Variants in SLC66A1 observed in about 807,000 individuals in gnomAD.
The protein encoded by SLC66A1 is lysosomal amino acid transporter 1 homolog.
Under a neutral mutation model 33.0 loss-of-function variants are expected in SLC66A1, and 23 were observed. The observed-to-expected ratio is 0.70, with a 90% CI of 0.50 to 0.99. SLC66A1 has a LOEUF of 0.99. Ranked by LOEUF, SLC66A1 falls within the 50% of genes least tolerant of loss-of-function variation. The pLI is 0.00. For synonymous variants in SLC66A1, 164 were observed against 175.5 expected, an observed-to-expected ratio of 0.93 and a Z score of 0.52; for missense variants, 335 against 383.6, an observed-to-expected ratio of 0.87 and a Z score of 1.06.
chr1:19,316,349 TG>T (rs2093805230), intron 1 of SLC66A1, among the ~76,000 whole-genome samples: 1 of 134,594 alleles, frequency 7.4e-6, no homozygotes, highest in South Asian at 2.8e-4. Flanking sequence ...CAACTCTTTA[TG>T]GTTTGTGTGT....
In SLC66A1 at chr1:19,328,730, C is replaced by G. The variant is rs1232885632; in HGVS notation, c.*87C>G. On this transcript the variant is annotated 3_prime_UTR_variant, in exon 8 of 8. Transcript: ENST00000375153. This position sits in a 1 kb window ranked among gnomAD's most constrained non-coding sequence, Gnocchi z 4.7. Reference sequence around the variant, plus strand: ...GTGTGGACAGTGATGGTACGGCGGCCCTGCATCAGCCTGCGGGTGGCCTCT... The same window carrying G: ...GTGTGGACAGTGATGGTACGGCGGCGCTGCATCAGCCTGCGGGTGGCCTCT... 7 of 1,396,676 alleles carry G rather than the reference C, an allele frequency of 5.0e-6. No homozygotes were observed. The highest frequency in any genetic ancestry group is 1.9e-5 in the Admixed American group (1 of 51,624). 86.5% of individuals were successfully genotyped at this position (1,396,676 alleles called of 1,614,324 possible).
At position 19,317,778 on chromosome 1, in the gene SLC66A1, G is replaced by C. The variant is rs1429314276; in HGVS notation, c.101G>C (p.Trp34Ser). Residue 34 changes from tryptophan to serine, a missense_variant, in exon 2 of 8, where the codon TGG becomes TCG. By Grantham distance (177) the Trp-to-Ser change is radical. Transcript: ENST00000375153. ...TTGGGTGAATGTGCCCAGGACGGCT[G>C]GGACGAGGCCAGCGTGGGCCTGGGC... Reference protein sequence around the residue: ...DVLGECAQDGWDEASVGLGLI... With the variant: ...DVLGECAQDGSDEASVGLGLI... 6.2e-7 allele frequency: 1 copy of C among 1,614,196 alleles called. No homozygotes were observed. The highest frequency in any genetic ancestry group is 8.5e-7 in the Non-Finnish European group (1 of 1,180,036).
chr1:19,317,172 T>C (rs1458154148), intron 1 of SLC66A1, among the ~76,000 whole-genome samples: 1 of 152,050 alleles, frequency 6.6e-6, no homozygotes, highest in Non-Finnish European at 1.5e-5. Flanking sequence ...TCAAGAGTCA[T>C]AGGAAAAGGT....
At position 19,320,477 on chromosome 1, in the gene SLC66A1, G is replaced by A. The variant is rs189797309; in HGVS notation, c.164+2636G>A. ...CGCCCAGGCTGGAGAGCGGTGGTGC[G>A]ATCTCGGCTCACTGCAAGCTCTGCC... On this transcript the variant is annotated intron_variant, in intron 2 of 7. Transcript: ENST00000375153. Among the ~76,000 whole-genome samples, 461 of 140,332 alleles carry A rather than the reference G, an allele frequency of 3.3e-3. 1 individual carries two copies. The highest frequency in any genetic ancestry group is 0.016 in the South Asian group (70 of 4,374). The allele number at this position is 140,332 out of a possible 152,430, so 92.1% of individuals were successfully genotyped here. A position where few individuals can be genotyped will look rare whatever the true frequency, so the allele number is the denominator to read the frequency against.
Position 19,326,384 on chromosome 1 carries a change from C to T in SLC66A1, c.522C>T (p.Ser174=). 6.2e-7 allele frequency: 1 copy of T among 1,606,846 alleles called. No individual in the cohort carries two copies. Among genetic ancestry groups the T allele is most frequent in the Non-Finnish European group, 8.5e-7 (1 of 1,178,366 alleles). ...CGCTCCTGTCCGTGGAGTCGGGCAGCAAGGTGAGGCGTGGGCGTGGCGGTC... is the reference window on the plus strand; with the variant it reads ...CGCTCCTGTCCGTGGAGTCGGGCAGTAAGGTGAGGCGTGGGCGTGGCGGTC... The part of the protein sequence containing the change: ...GRALLSVESG[S]KPFTRQEVIG... Residue 174 remains serine (S), a synonymous_variant, in exon 5 of 8, where the codon AGC becomes AGT. Transcript: ENST00000375153.
In SLC66A1 at chr1:19,326,361, C is replaced by T. The variant is rs140774440; in HGVS notation, c.499C>T (p.Leu167Phe). The T allele has an allele frequency of 2.9e-5, 46 of 1,606,776 alleles. No individual in the cohort carries two copies. Among genetic ancestry groups the T allele is most frequent in the Non-Finnish European group, 3.8e-5 (45 of 1,179,188 alleles). Residue 167 changes from leucine to phenylalanine, a missense_variant, in exon 5 of 8, where the codon CTC becomes TTC. Transcript: ENST00000375153. ...APREAFRGRA[L>F]LSVESGSKPF... ...TAGGGAAGCCTTCCGGGGGCGGGCG[C>T]TCCTGTCCGTGGAGTCGGGCAGCAA...
intron 2 of SLC66A1, among the ~76,000 whole-genome samples, chr1:19,323,830 G>T (rs999599174): frequency 6.6e-6 from 1 of 152,218 alleles, no homozygotes. Flanking sequence ...TCAGGTAGGG[G>T]TTGAATCCGA....
At chr1:19,314,983 C>G (rs2093797488) in intron 1 of SLC66A1, among the ~76,000 whole-genome samples, 1 of 152,162 alleles carries the variant, frequency 6.6e-6, no homozygotes, top group South Asian at 2.1e-4. Context: ...TCTCAGCTCA[C>G]TGCAACCTCT....
chr1:19,317,328 C>T (rs1290432885), intron 1 of SLC66A1, among the ~76,000 whole-genome samples: 1 of 152,196 alleles, frequency 6.6e-6, no homozygotes, highest in African/African-American at 2.4e-5. Context: ...CAAAGTCTAG[C>T]ATGAATGGGT....
intron 4 of SLC66A1, 133 bp downstream of exon 4, chr1:19,325,715 C>T: frequency 3.9e-6 from 3 of 770,886 alleles, no homozygotes; most frequent in South Asian, 1.7e-5. Flanking sequence ...GAAAGCCTTC[C>T]CCGGGCCTTA....
intron 1 of SLC66A1, 98 bp from the exon 2 acceptor site, chr1:19,317,502 G>C: frequency 2.2e-6 from 3 of 1,372,062 alleles, no homozygotes; most frequent in South Asian, 1.6e-5. Context: ...TCAGGGCCAG[G>C]AGCCCCGTGA....
intron 2 of SLC66A1, among the ~76,000 whole-genome samples, chr1:19,319,708 G>T (rs753342933): frequency 8.9e-5 from 13 of 146,290 alleles, no homozygotes; most frequent in Non-Finnish European, 1.8e-4. Context: ...TTCAAGACCG[G>T]CCTGGCCAAC....
chr1:19,331,104 C>T (rs368422504), downstream of SLC66A1, among the ~76,000 whole-genome samples: 5 of 152,304 alleles, frequency 3.3e-5, no homozygotes, highest in South Asian at 2.1e-4. Context: ...CTCCGCCTCC[C>T]GGGTTCGAGC....
At position 19,328,679 on chromosome 1, in the gene SLC66A1, C is replaced by A; in HGVS notation, c.*36C>A. The stretch of plus-strand genomic sequence containing the variant: ...GCTGAGCGCAGGAGGACAGGCACCA[C>A]CGGATGCCACACCAGGCAGGAGGAG... On this transcript the variant is annotated 3_prime_UTR_variant, in exon 8 of 8. Coordinates refer to ENST00000375153, the MANE Select transcript of SLC66A1 (RefSeq NM_001040125.2). This position sits in a 1 kb window ranked among gnomAD's most constrained non-coding sequence, Gnocchi z 4.7. 6.2e-7 allele frequency: 1 copy of A among 1,600,582 alleles called. No individual in the cohort carries two copies. Among genetic ancestry groups the A allele is most frequent in the Non-Finnish European group, 8.5e-7 (1 of 1,169,658 alleles).
chr1:19,317,902 G>C, intron 2 of SLC66A1, 61 bp downstream of exon 2: 2 of 1,573,510 alleles, frequency 1.3e-6, no homozygotes, highest in Non-Finnish European at 1.7e-6. Flanking sequence ...AGTGGCTCCA[G>C]CTACTGCTCA....
At chr1:19,333,899 CAA>C (rs890825824), downstream of SLC66A1, among the ~76,000 whole-genome samples, 1 of 98,336 alleles carries the variant, frequency 1.0e-5, no homozygotes, top group Admixed American at 9.5e-5. The surrounding 1 kb of genome is among the most constrained non-coding windows in gnomAD (Gnocchi z 4.2). Flanking sequence ...GACCTTGTCT[CAA>C]ACAAAACAAA....
In SLC66A1 at chr1:19,328,466, G is replaced by A; in HGVS notation, c.805-106G>A. On this transcript the variant is annotated intron_variant, in intron 7 of 7. Transcript: ENST00000375153. The surrounding 1 kb of genome is among the most constrained non-coding windows in gnomAD (Gnocchi z 4.7). ...CTGGCCCTTCCCACCTGCAGCGTGG[G>A]GGTGGGAGGGAGGGGAGAGGGAGGC... is the stretch of plus-strand genomic sequence containing the variant. The A allele has an allele frequency of 9.8e-7, 1 of 1,023,490 alleles. No homozygotes were observed. The highest frequency in any genetic ancestry group is 1.5e-6 in the Non-Finnish European group (1 of 676,194). The allele number at this position is 1,023,490 out of a possible 1,614,324, so 63.4% of individuals were successfully genotyped here.
Position 19,326,226 on chromosome 1 carries a change from C to G in SLC66A1, c.383-19C>G. The G allele has an allele frequency of 6.3e-7, 1 of 1,588,366 alleles. No individual in the cohort carries two copies. The highest frequency in any genetic ancestry group is 8.5e-7 in the Non-Finnish European group (1 of 1,170,388). ...CCACTCAGCCATCTAACCTCAGCTT[C>G]CCCCTGCCTTGTGTGCAGTGTCTGC... is the stretch of plus-strand genomic sequence containing the variant. On this transcript the variant is annotated intron_variant, in intron 4 of 7. Transcript: ENST00000375153.
At chr1:19,329,942 C>A (rs536373485), downstream of SLC66A1, among the ~76,000 whole-genome samples, 1 of 151,990 alleles carries the variant, frequency 6.6e-6, no homozygotes, top group African/African-American at 2.4e-5. Context: ...AGCTGAGCTC[C>A]GAGTGCTTCC....
Sources: gnomAD v4.1 joint callset for allele counts (sites outside exome capture counted in the v4.1 genomes callset) on GRCh38, gnomAD v4.1.1 for gene constraint, Gnocchi (gnomAD v3.1) non-coding constraint, MANE v1.5 for transcripts, NCBI Gene and HGNC (gene_info 2026-07-23, HGNC 2026-07-21) for gene names.